Variants in DCAF4 observed in about 807,000 individuals in gnomAD.
DCAF4 encodes the protein DDB1 and CUL4 associated factor 4, also known as DDB1- and CUL4-associated factor 4.
A neutral mutation model predicts 60.9 loss-of-function variants in DCAF4; 37 were observed. That is an observed-to-expected ratio of 0.61 (90% CI 0.47 to 0.80). The LOEUF (loss-of-function observed/expected upper bound fraction) is 0.80, where lower values mean the gene tolerates loss of function less well. Among genes scored for constraint, DCAF4 ranks in the 30% least tolerant of loss-of-function variants. The pLI is 0.00. For synonymous variants in DCAF4, 243 were observed against 254.8 expected (o/e 0.95, Z 0.44); for missense variants, 577 against 650.0 (o/e 0.89, Z 1.22).
chr14:72,943,129 G>C, intron 6 of DCAF4, 33 bp downstream of exon 6: 1 of 1,585,768 alleles, frequency 6.3e-7, no homozygotes, highest in Non-Finnish European at 8.7e-7. Flanking sequence ...CCTAGGGTGT[G>C]GCTGCCACCC....
intron 1 of DCAF4, chr14:72,929,649 A>G (rs1205618795): frequency 7.5e-7 from 1 of 1,324,882 alleles, no homozygotes; most frequent in Non-Finnish European, 1.1e-6. Flanking sequence ...CATGGCAGCC[A>G]GTACCTTGCT....
At chr14:72,929,497 G>T (rs1445131247) in intron 1 of DCAF4, 3 of 660,548 alleles carry the variant, frequency 4.5e-6, no homozygotes, top group Non-Finnish European at 7.9e-6. Flanking sequence ...AGAAATTCGA[G>T]ACCAGCCTGG....
downstream of DCAF4, chr14:72,959,708 C>T (rs926429494): frequency 3.8e-5 from 37 of 973,826 alleles, no homozygotes; most frequent in East Asian, 1.0e-3. Context: ...GCTGCTGGGA[C>T]CAGCTTTCAT....
chr14:72,959,783 C>G (rs554221472), downstream of DCAF4: 1 of 476,302 alleles, frequency 2.1e-6, no homozygotes, highest in African/African-American at 2.1e-5. Flanking sequence ...CTGTCCATCT[C>G]CACCCTGCTC....
At chr14:72,943,836 A>T (rs891441804) in intron 6 of DCAF4, among the ~76,000 whole-genome samples, 1 of 152,152 alleles carries the variant, frequency 6.6e-6, no homozygotes, top group African/African-American at 2.4e-5. Flanking sequence ...GGACTCGGTC[A>T]TCTGCTGGTG....
chr14:72,933,699 G>A (rs983436696), intron 1 of DCAF4, among the ~76,000 whole-genome samples: 5 of 152,054 alleles, frequency 3.3e-5, no homozygotes, highest in Middle Eastern at 3.4e-3. Flanking sequence ...TCTCAGACCC[G>A]TATTTCCCAT....
At chr14:72,934,230 G>C (rs539380621) in intron 1 of DCAF4, among the ~76,000 whole-genome samples, 1 of 150,432 alleles carries the variant, frequency 6.6e-6, no homozygotes, top group Non-Finnish European at 1.5e-5. Flanking sequence ...CTCGGCTCAC[G>C]GCAACCTCCA....
At chr14:72,956,130 T>C (rs906932132) in intron 12 of DCAF4, among the ~76,000 whole-genome samples, 2 of 151,434 alleles carry the variant, frequency 1.3e-5, no homozygotes, top group Non-Finnish European at 2.9e-5. Context: ...ACCATGTTGG[T>C]CAGGCTGGTC....
intron 2 of DCAF4, 78 bp from the exon 3 acceptor site, chr14:72,939,724 G>A (rs570617298): frequency 4.2e-5 from 54 of 1,293,680 alleles, no homozygotes; most frequent in South Asian, 2.4e-4. Flanking sequence ...AGAACTGCCC[G>A]AATGGACTCC....
At chr14:72,955,338 C>G (rs982171994) in intron 11 of DCAF4, among the ~76,000 whole-genome samples, 185 bp from the exon 12 acceptor site, 16 of 152,080 alleles carry the variant, frequency 1.1e-4, no homozygotes, top group Admixed American at 4.6e-4. Flanking sequence ...TCTGGTTCTT[C>G]TAGCCACTAA....
At chr14:72,928,475 A>AT (rs1443072278) in intron 1 of DCAF4, among the ~76,000 whole-genome samples, 1 of 150,032 alleles carries the variant, frequency 6.7e-6, no homozygotes, top group African/African-American at 2.5e-5. Flanking sequence ...GATTACAGGC[A>AT]TGAGCCACCG....
chr14:72,952,929 G>A (rs1176735945), intron 9 of DCAF4, among the ~76,000 whole-genome samples: 13 of 146,086 alleles, frequency 8.9e-5, no homozygotes, highest in African/African-American at 2.0e-4. Context: ...TCCTGACCTC[G>A]TGATCCACCT....
At chr14:72,938,343 C>A (rs1030583135) in intron 2 of DCAF4, among the ~76,000 whole-genome samples, 4 of 152,212 alleles carry the variant, frequency 2.6e-5, no homozygotes, top group African/African-American at 9.6e-5. Context: ...CTGGCCAGAG[C>A]ATTCGCCATA....
At chr14:72,929,791 C>T in intron 1 of DCAF4, 1 of 1,102,414 alleles carries the variant, frequency 9.1e-7, no homozygotes. Context: ...AAGCCACACA[C>T]CTCCCGGATC....
In DCAF4 at chr14:72,958,714, T is replaced by C. The variant is rs764834943; in HGVS notation, c.1397T>C (p.Val466Ala). 6.2e-7 allele frequency: 1 copy of C among 1,614,080 alleles called. No individual in the cohort carries two copies. Among genetic ancestry groups the C allele is most frequent in the Admixed American group, 1.7e-5 (1 of 59,998 alleles). The change falls in exon 14 of 14, where the codon GTG (valine) becomes GCG (alanine). Residue 466 changes from valine to alanine, a missense_variant. Coordinates refer to ENST00000358377, the MANE Select transcript of DCAF4 (RefSeq NM_015604.4). ...GCCTCCAAGGCCGACATTCCCAGTG[T>C]GGCCTTCTCGTCGCGGCTGGGGGGC... ...YPASKADIPS[V>A]AFSSRLGGSR...
rs1383567013 is a variant in DCAF4 at position 72,943,003 on chromosome 14, C to G, written c.441C>G (p.His147Gln). 12 of 1,614,116 alleles carry G rather than the reference C, an allele frequency of 7.4e-6. No individual in the cohort carries two copies. The East Asian group carries it at 2.7e-4, about 36-fold the overall frequency. Residue 147 changes from histidine to glutamine, a missense_variant, in exon 6 of 14, where the codon CAC becomes CAG. Coordinates refer to ENST00000358377, the MANE Select transcript of DCAF4 (RefSeq NM_015604.4). ...LNVTNYCHLA[H>Q]ELRLSCMERK... ...CCCTCTGTTTCTGCAGTTTAGCCCA[C>G]GAGCTGCGTCTCAGCTGCATGGAGA...
chr14:72,949,230 C>T (rs1017158773), intron 8 of DCAF4, among the ~76,000 whole-genome samples: 1 of 152,100 alleles, frequency 6.6e-6, no homozygotes, highest in South Asian at 2.1e-4. Flanking sequence ...TGGGGGATTG[C>T]TTGAGGCCAG....
intron 1 of DCAF4, among the ~76,000 whole-genome samples, chr14:72,929,430 G>A (rs1163113583): frequency 6.6e-6 from 1 of 152,214 alleles, no homozygotes; most frequent in Non-Finnish European, 1.5e-5. Flanking sequence ...TGCCGCGCGT[G>A]GTGGCTCACG....
chr14:72,950,121 T>C (rs1891225566), intron 8 of DCAF4, among the ~76,000 whole-genome samples: 1 of 152,224 alleles, frequency 6.6e-6, no homozygotes. Context: ...CTCAGGGCTG[T>C]GGGAGGTCCC....
Sources: allele counts gnomAD v4.1 joint callset (sites outside exome capture counted in the v4.1 genomes callset), GRCh38; gene constraint gnomAD v4.1.1; transcripts MANE v1.5; gene names NCBI Gene and HGNC (gene_info 2026-07-23, HGNC 2026-07-21).